DOCK3: variants seen among roughly 807,000 people sequenced by gnomAD.
The protein encoded by DOCK3 is dedicator of cytokinesis protein 3.
DOCK3 carries 60 observed loss-of-function variants against 265.6 expected under a neutral mutation model. The ratio of observed to expected loss-of-function variants is 0.23; its 90% CI spans 0.18 to 0.28. The LOEUF (loss-of-function observed/expected upper bound fraction) is 0.28, where lower values mean the gene tolerates loss of function less well. Ranked by LOEUF, DOCK3 falls within the 10% of genes least tolerant of loss-of-function variation. The pLI, the probability that DOCK3 is intolerant of heterozygous loss-of-function variation, is 1.00. For synonymous variants in DOCK3, 881 were observed against 938.0 expected (o/e 0.94, Z 1.11); for missense variants, 1,981 against 2,594.3 (o/e 0.76, Z 5.14).
At chr3:51,013,227 TG>T (rs1228798033) in intron 5 of DOCK3, among the ~76,000 whole-genome samples, 1 of 152,192 alleles carries the variant, frequency 6.6e-6, no homozygotes, top group African/African-American at 2.4e-5. Flanking sequence ...GGAGATGCAG[TG>T]CTCTGGTTTT....
intron 49 of DOCK3, among the ~76,000 whole-genome samples, chr3:51,367,257 C>T (rs147387941): frequency 6.6e-6 from 1 of 152,286 alleles, no homozygotes; most frequent in African/African-American, 2.4e-5. Flanking sequence ...CCTTCTTTAT[C>T]TCTTTTGATC....
At chr3:51,037,304 T>G (rs1249231328) in intron 5 of DOCK3, among the ~76,000 whole-genome samples, 1 of 152,176 alleles carries the variant, frequency 6.6e-6, no homozygotes, top group African/African-American at 2.4e-5. Context: ...ATTTAAAATT[T>G]TTTTTTAATT....
In DOCK3 at chr3:51,214,112, G is replaced by A; in HGVS notation, c.1127-10G>A. 1 of 1,613,624 alleles carries A rather than the reference G, an allele frequency of 6.2e-7. No homozygotes were observed. The highest frequency in any genetic ancestry group is 8.5e-7 in the Non-Finnish European group (1 of 1,179,736). On this transcript the variant is annotated splice_polypyrimidine_tract_variant and intron_variant, in intron 13 of 52. Transcript: ENST00000266037. ...ACTGTGGTTCTAAGAAAATGCTTTTGTTTTTGCAGGTCTTATCATTTCTCT... is the reference window on the plus strand; with the variant it reads ...ACTGTGGTTCTAAGAAAATGCTTTTATTTTTGCAGGTCTTATCATTTCTCT...
chr3:51,309,159 G>T (rs1310816780), intron 27 of DOCK3, among the ~76,000 whole-genome samples: 1 of 151,854 alleles, frequency 6.6e-6, no homozygotes, highest in Non-Finnish European at 1.5e-5. Flanking sequence ...AGGCAGAGAC[G>T]CTCCTCACTT....
chr3:50,955,440 C>T (rs2076703698), intron 5 of DOCK3, among the ~76,000 whole-genome samples: 1 of 152,140 alleles, frequency 6.6e-6, no homozygotes, highest in Non-Finnish European at 1.5e-5. Context: ...AACCTAAATG[C>T]TCATCAATGA....
intron 22 of DOCK3, among the ~76,000 whole-genome samples, chr3:51,252,197 C>T (rs1047563489): frequency 3.9e-5 from 6 of 152,140 alleles, no homozygotes; most frequent in Non-Finnish European, 7.3e-5. Flanking sequence ...TTTCTCAGGG[C>T]TCTATTCTGT....
intron 2 of DOCK3, among the ~76,000 whole-genome samples, chr3:50,831,458 T>G (rs2045166904): frequency 6.6e-6 from 1 of 152,060 alleles, no homozygotes; most frequent in East Asian, 1.9e-4. Flanking sequence ...ATCTGCCACT[T>G]GTGAGTGAGA....
intron 2 of DOCK3, among the ~76,000 whole-genome samples, chr3:50,836,163 A>G (rs1559703284): frequency 6.6e-6 from 1 of 152,208 alleles, no homozygotes; most frequent in Non-Finnish European, 1.5e-5. Flanking sequence ...TGGGGATCCC[A>G]TTCTGGAGGA....
intron 2 of DOCK3, among the ~76,000 whole-genome samples, chr3:50,795,151 C>T (rs553354018): frequency 1.5e-4 from 23 of 152,110 alleles, no homozygotes; most frequent in African/African-American, 5.5e-4. Flanking sequence ...TTCATTCTAG[C>T]TACCTTTAAC....
intron 9 of DOCK3, among the ~76,000 whole-genome samples, chr3:51,142,910 G>A (rs2053582225): frequency 6.6e-6 from 1 of 151,616 alleles, no homozygotes; most frequent in Non-Finnish European, 1.5e-5. Flanking sequence ...TTTTGAGACG[G>A]AGTTTCTCTC....
At chr3:50,901,822 A>G (rs1029897443) in intron 4 of DOCK3, among the ~76,000 whole-genome samples, 8 of 152,264 alleles carry the variant, frequency 5.3e-5, no homozygotes, top group Non-Finnish European at 1.0e-4. Flanking sequence ...ACCAGTCCCA[A>G]TGAGATGAAC....
chr3:50,894,705 A>G (rs972217345), intron 4 of DOCK3, among the ~76,000 whole-genome samples: 2 of 152,146 alleles, frequency 1.3e-5, no homozygotes, highest in Non-Finnish European at 2.9e-5. Flanking sequence ...GTCATCAACA[A>G]TAAAACATTT....
rs143168105 is a variant in DOCK3, at chr3:51,004,014, A to G, written c.316-60434A>G. Among the ~76,000 whole-genome samples the G allele has an allele frequency of 4.6e-5, 7 of 152,298 alleles. 1 individual carries two copies. The highest frequency in any genetic ancestry group is 4.1e-4 in the South Asian group (2 of 4,830). The stretch of plus-strand genomic sequence containing the variant: ...TAGGCAGCCTCTGAAATGGCCTCCA[A>G]TTATCCTTGTTGACTTCAGATACTT... On this transcript the variant is annotated intron_variant, in intron 5 of 52. Coordinates refer to ENST00000266037, the MANE Select transcript of DOCK3 (RefSeq NM_004947.5).
chr3:51,268,387 A>T (rs2080312992), intron 23 of DOCK3, among the ~76,000 whole-genome samples: 1 of 152,210 alleles, frequency 6.6e-6, no homozygotes, highest in African/African-American at 2.4e-5. Context: ...GCCTTACCCT[A>T]GAACAAATCA....
At chr3:50,938,895 A>AAAT (rs201599440) in intron 5 of DOCK3, among the ~76,000 whole-genome samples, 7 of 151,698 alleles carry the variant, frequency 4.6e-5, no homozygotes, top group African/African-American at 1.7e-4. Flanking sequence ...TGTAAAAAAA[A>AAAT]AATAATAATA....
chr3:50,862,615 C>T (rs1405909119), intron 3 of DOCK3, among the ~76,000 whole-genome samples: 1 of 152,132 alleles, frequency 6.6e-6, no homozygotes, highest in Non-Finnish European at 1.5e-5. Context: ...GACTCATGAC[C>T]TTCACTTCAT....
chr3:51,084,105 A>G (rs182705856), intron 7 of DOCK3, among the ~76,000 whole-genome samples: 24 of 152,268 alleles, frequency 1.6e-4, no homozygotes, highest in Non-Finnish European at 2.6e-4. Flanking sequence ...CCAGAAGCAA[A>G]TAAATATTCA....
chr3:50,831,434 T>G (rs2045164812), intron 2 of DOCK3, among the ~76,000 whole-genome samples: 1 of 152,084 alleles, frequency 6.6e-6, no homozygotes, highest in Admixed American at 6.6e-5. Flanking sequence ...TATGTCCATG[T>G]GTTCTCATTG....
intron 4 of DOCK3, among the ~76,000 whole-genome samples, chr3:50,896,477 G>A (rs1293902441): frequency 6.6e-6 from 1 of 152,132 alleles, no homozygotes; most frequent in Admixed American, 6.5e-5. Context: ...CTCTGCAGAA[G>A]CTTTTTAGTT....
Sources: allele counts gnomAD v4.1 joint callset (sites outside exome capture counted in the v4.1 genomes callset), GRCh38; gene constraint gnomAD v4.1.1; transcripts MANE v1.5; gene names NCBI Gene and HGNC (gene_info 2026-07-23, HGNC 2026-07-21).